Variants in EPHA2 observed in about 807,000 individuals in gnomAD.
The protein encoded by EPHA2 is EPH receptor A2, also known as ephrin type-A receptor 2.
EPHA2 carries 54 observed loss-of-function variants against 104.9 expected under a neutral mutation model. The ratio of observed to expected loss-of-function variants is 0.51; its 90% CI spans 0.41 to 0.65. The LOEUF (loss-of-function observed/expected upper bound fraction) is 0.65. Ranked by LOEUF, EPHA2 falls within the 30% of genes least tolerant of loss-of-function variation. EPHA2 has a pLI of 0.00. For synonymous variants in EPHA2, 560 were observed against 559.1 expected, an observed-to-expected ratio of 1.00 and a Z score of -0.02; for missense variants, 1,117 against 1,369.5, an observed-to-expected ratio of 0.82 and a Z score of 2.91.
intron 5 of EPHA2, among the ~76,000 whole-genome samples, chr1:16,136,699 G>GAA (rs1159398588): frequency 1.1e-5 from 1 of 90,276 alleles, no homozygotes; most frequent in South Asian, 3.5e-4. Context: ...AGAGGAAGAA[G>GAA]AAGAAGAAGA....
rs1399267917 is a variant in EPHA2, at chr1:16,134,344, C to A, written c.1682+124G>T. On this transcript the variant is annotated intron_variant, in intron 8 of 16. Coordinates refer to ENST00000358432, the MANE Select transcript of EPHA2 (RefSeq NM_004431.5). This position sits in a 1 kb window ranked among gnomAD's most constrained non-coding sequence, Gnocchi z 4.5. ...CTAACTCGTATATCCTCGCACCATC[C>A]GGAGGCAGGGATTAGACTCGACTAG... 1 of 1,094,552 alleles carries A rather than the reference C, an allele frequency of 9.1e-7. No individual in the cohort carries two copies. The highest frequency in any genetic ancestry group is 1.3e-5 in the South Asian group (1 of 74,800). 67.8% of individuals were successfully genotyped at this position (1,094,552 alleles called of 1,614,324 possible). A position where few individuals can be genotyped will look rare whatever the true frequency, so the allele number is the denominator to read the frequency against.
At position 16,125,288 on chromosome 1, in the gene EPHA2, C is replaced by A. The variant is rs927599315; in HGVS notation, c.2858G>T (p.Gly953Val). The change falls in exon 17 of 17, where the codon GGC becomes GTC. Residue 953 changes from glycine (G) to valine (V), a missense_variant. Coordinates refer to ENST00000358432, the MANE Select transcript of EPHA2 (RefSeq NM_004431.5). This position sits in a 1 kb window ranked among gnomAD's most constrained non-coding sequence, Gnocchi z 4.9. ...DIKRIGVRLPGHQKRIAYSLL... is the reference protein window; with the variant it reads ...DIKRIGVRLPVHQKRIAYSLL... Reference sequence around the variant, plus strand: ...GCTGTAGGCGATGCGCTTCTGGTGGCCGGGCAGCCGCACCCCAATCCTCTT... The same window carrying A: ...GCTGTAGGCGATGCGCTTCTGGTGGACGGGCAGCCGCACCCCAATCCTCTT... The A allele has an allele frequency of 1.2e-6, 2 of 1,605,920 alleles. No homozygotes were observed. Among genetic ancestry groups the A allele is most frequent in the Non-Finnish European group, 1.7e-6 (2 of 1,175,158 alleles).
chr1:16,150,047 C>T lies in EPHA2; in HGVS notation c.153+849G>A, dbSNP rs2025007229. On this transcript the variant is annotated intron_variant, in intron 2 of 16. Coordinates refer to ENST00000358432, the MANE Select transcript of EPHA2 (RefSeq NM_004431.5). This position sits in a 1 kb window ranked among gnomAD's most constrained non-coding sequence, Gnocchi z 4.8. The stretch of plus-strand genomic sequence containing the variant: ...GGTTGTATTAGGTGACCCGTGTTCC[C>T]TCCCAGCTAGACTTCCAGGATCCTA... 6.6e-6 allele frequency among the ~76,000 whole-genome samples: 1 copy of T among 152,190 alleles called. No individual in the cohort carries two copies. The highest frequency in any genetic ancestry group is 2.4e-5 in the African/African-American group (1 of 41,438).
Position 16,148,680 on chromosome 1 carries a change from G to C in EPHA2, c.521C>G (p.Thr174Ser). 5 of 1,611,206 alleles carry C rather than the reference G, an allele frequency of 3.1e-6. No homozygotes were observed. The highest frequency in any genetic ancestry group is 4.2e-6 in the Non-Finnish European group (5 of 1,180,034). Residue 174 changes from threonine (T) to serine (S), a missense_variant, in exon 3 of 17, where the codon ACC (threonine) becomes AGC (serine). Physicochemically the swap from Thr to Ser is moderately conservative, Grantham distance 58. Coordinates refer to ENST00000358432, the MANE Select transcript of EPHA2 (RefSeq NM_004431.5). The surrounding 1 kb of genome is among the most constrained non-coding windows in gnomAD (Gnocchi z 4.9). ...NVEERSVGPL[T>S]RKGFYLAFQD... Reference sequence around the variant, plus strand: ...GAAGGCCAGGTAGAAGCCTTTGCGGGTGAGCGGCCCCACGGAGCGCTCCTC... The same window carrying C: ...GAAGGCCAGGTAGAAGCCTTTGCGGCTGAGCGGCCCCACGGAGCGCTCCTC...
At chr1:16,136,722 G>GAAGAAGAAGAAA (rs1288239456) in intron 5 of EPHA2, among the ~76,000 whole-genome samples, 3 of 130,812 alleles carry the variant, frequency 2.3e-5, no homozygotes, top group Non-Finnish European at 5.0e-5. Flanking sequence ...AAAAGAAGAA[G>GAAGAAGAAGAAA]AAGAAGAAGA....
chr1:16,132,630 A>G (rs1489404261), intron 11 of EPHA2, among the ~76,000 whole-genome samples, 191 bp from the exon 12 acceptor site: 2 of 140,246 alleles, frequency 1.4e-5, no homozygotes, highest in Non-Finnish European at 3.1e-5. Context: ...CAGGCGGAGG[A>G]GTGGGCAGAG....
At chr1:16,142,049 G>T (rs2024833242) in intron 3 of EPHA2, among the ~76,000 whole-genome samples, 4 of 152,084 alleles carry the variant, frequency 2.6e-5, no homozygotes. Context: ...GCGGGCAAGT[G>T]GGGACAGGGG....
chr1:16,154,362 C>T (rs2025106927), intron 1 of EPHA2, among the ~76,000 whole-genome samples: 1 of 152,164 alleles, frequency 6.6e-6, no homozygotes, highest in Admixed American at 6.5e-5. Context: ...CAGGATGCCA[C>T]CCCCAACACC....
At chr1:16,126,528 A>T (rs2024472301) in intron 16 of EPHA2, among the ~76,000 whole-genome samples, 1 of 152,246 alleles carries the variant, frequency 6.6e-6, no homozygotes. Context: ...CTCCCACAGC[A>T]GCAGGAAGGC....
chr1:16,152,266 T>C (rs2025053782), intron 1 of EPHA2, among the ~76,000 whole-genome samples: 1 of 152,120 alleles, frequency 6.6e-6, no homozygotes, highest in South Asian at 2.1e-4. Flanking sequence ...AGGGATGGCC[T>C]GGTTTGTGGA....
At chr1:16,142,698 G>A in intron 3 of EPHA2, among the ~76,000 whole-genome samples, 2 of 144,480 alleles carry the variant, frequency 1.4e-5, no homozygotes, top group African/African-American at 2.6e-5. Flanking sequence ...GGGTGGGTGG[G>A]TGGAGTGGTG....
intron 2 of EPHA2, among the ~76,000 whole-genome samples, chr1:16,149,747 G>A (rs1377455992): frequency 6.6e-6 from 1 of 152,204 alleles, no homozygotes; most frequent in Non-Finnish European, 1.5e-5. Flanking sequence ...TTACCAAAGT[G>A]CACTTGGCAC....
intron 3 of EPHA2, among the ~76,000 whole-genome samples, chr1:16,141,251 A>G (rs1462197563): frequency 1.3e-5 from 2 of 152,136 alleles, no homozygotes; most frequent in African/African-American, 4.8e-5. Flanking sequence ...TGTGTCTGTG[A>G]GCAGAAAAGT....
chr1:16,151,064 C>G (rs1030693482), intron 1 of EPHA2, 101 bp from the exon 2 acceptor site: 34 of 1,206,010 alleles, frequency 2.8e-5, no homozygotes, highest in Admixed American at 6.9e-5. Context: ...AACTCTCAGA[C>G]AGAGCGAGAG....
chr1:16,133,087 G>A (rs1197989638), intron 11 of EPHA2, 93 bp downstream of exon 11: 8 of 1,542,976 alleles, frequency 5.2e-6, no homozygotes, highest in Admixed American at 1.8e-5. Context: ...GGGGGAAGGT[G>A]GGCACAGGTA....
In EPHA2 at chr1:16,155,790, G is replaced by C. The variant is rs572212172; in HGVS notation, c.85+58C>G. The C allele has an allele frequency of 1.6e-4, 205 of 1,279,364 alleles. 1 individual carries two copies. In the African/African-American group the frequency reaches 2.6e-3, roughly 16 times the overall value. The allele number at this position is 1,279,364 out of a possible 1,614,324, so 79.3% of individuals were successfully genotyped here. ...AAAGTTGCGCGCGTCAAGGAGCGCC[G>C]GGCTCTAGGGGGCACTGGGGCCCGG... is the stretch of plus-strand genomic sequence containing the variant. On this transcript the variant is annotated intron_variant, in intron 1 of 16. Transcript: ENST00000358432.
intron 3 of EPHA2, among the ~76,000 whole-genome samples, chr1:16,145,282 G>A (rs2024910598): frequency 6.6e-6 from 1 of 152,222 alleles, no homozygotes; most frequent in Non-Finnish European, 1.5e-5. Flanking sequence ...AGGGCCGGGG[G>A]CAGGGCGGGG....
rs752397568 is a variant in EPHA2, at chr1:16,136,713, A to AGAAGAAGAAGAAGAAG, written c.1313-944_1313-943insCTTCTTCTTCTTCTTC. Among the ~76,000 whole-genome samples, 16 of 102,734 alleles carry AGAAGAAGAAGAAGAAG rather than the reference A, an allele frequency of 1.6e-4. 1 individual carries two copies. Among genetic ancestry groups the AGAAGAAGAAGAAGAAG allele is most frequent in the Admixed American group, 4.6e-4 (5 of 10,834 alleles). The allele number at this position is 102,734 out of a possible 152,430, so 67.4% of individuals were successfully genotyped here. On this transcript the variant is annotated intron_variant, in intron 5 of 16. Transcript: ENST00000358432. ...AAGAGGAAGAAGAAGAAGAAGAAGAAAAGAAGAAGAAGAAGAAGAAGAAGA... is the reference window on the plus strand; with the variant it reads ...AAGAGGAAGAAGAAGAAGAAGAAGAAGAAGAAGAAGAAGAAGAAGAAGAAGAAGAAGAAGAAGAAGA...
chr1:16,132,243 G>T lies in EPHA2; in HGVS notation c.2146C>A (p.Leu716Met). ...GCGATGCCCCGCAGCATGCCCACCAGCTGCAGCACGCTGAACTCGCCATCC... is the reference window on the plus strand; with the variant it reads ...GCGATGCCCCGCAGCATGCCCACCATCTGCAGCACGCTGAACTCGCCATCC... Reference protein sequence around the residue: ...EKDGEFSVLQLVGMLRGIAAG... With the variant: ...EKDGEFSVLQMVGMLRGIAAG... The change falls in exon 13 of 17, where the codon CTG becomes ATG. Residue 716 changes from leucine to methionine, a missense_variant. Leu to Met is a conservative substitution (Grantham distance 15). Transcript: ENST00000358432. 1 of 1,614,124 alleles carries T rather than the reference G, an allele frequency of 6.2e-7. No homozygotes were observed. Among genetic ancestry groups the T allele is most frequent in the Non-Finnish European group, 8.5e-7 (1 of 1,180,026 alleles).
Sources: allele counts gnomAD v4.1 joint callset (sites outside exome capture counted in the v4.1 genomes callset), GRCh38; gene constraint gnomAD v4.1.1; non-coding constraint Gnocchi (gnomAD v3.1); transcripts MANE v1.5; gene names NCBI Gene and HGNC (gene_info 2026-07-23, HGNC 2026-07-21).